Variants in KSR1 observed in about 807,000 individuals in gnomAD.
The protein encoded by KSR1 is kinase suppressor of ras.
KSR1 carries 35 observed loss-of-function variants against 92.9 expected under a neutral mutation model. The observed-to-expected ratio is 0.38, with a 90% CI of 0.29 to 0.50. KSR1 has a LOEUF of 0.50. Among genes scored for constraint, KSR1 ranks in the 20% least tolerant of loss-of-function variants. KSR1 has a pLI of 0.94. For missense variants in KSR1, 972 were observed against 1,158.5 expected (o/e 0.84, Z 2.34); for synonymous variants, 467 against 472.6 (o/e 0.99, Z 0.15).
chr17:27,582,303 A>G (rs1030460829), intron 3 of KSR1, among the ~76,000 whole-genome samples: 1 of 152,180 alleles, frequency 6.6e-6, no homozygotes, highest in East Asian at 1.9e-4. Flanking sequence ...CCTGTTCAGC[A>G]TTCCCCATCC....
intron 7 of KSR1, 144 bp from the exon 8 acceptor site, chr17:27,592,217 G>A: frequency 1.5e-6 from 1 of 681,538 alleles, no homozygotes; most frequent in Non-Finnish European, 2.6e-6. Flanking sequence ...TTAATATCAT[G>A]ATGTTCTCTA....
intron 1 of KSR1, among the ~76,000 whole-genome samples, chr17:27,515,002 G>A (rs1315470678): frequency 6.6e-6 from 1 of 152,152 alleles, no homozygotes; most frequent in African/African-American, 2.4e-5. Flanking sequence ...TTGTCAGGGT[G>A]GCTGGGAGCT....
intron 1 of KSR1, among the ~76,000 whole-genome samples, chr17:27,490,581 C>G (rs1395455647): frequency 2.0e-5 from 3 of 152,100 alleles, no homozygotes; most frequent in African/African-American, 7.2e-5. Flanking sequence ...CAGCAAAGAC[C>G]TGGGGGGTCT....
chr17:27,508,189 G>A (rs1463508989), intron 1 of KSR1, among the ~76,000 whole-genome samples: 1 of 152,182 alleles, frequency 6.6e-6, no homozygotes, highest in Non-Finnish European at 1.5e-5. Flanking sequence ...CTTCTGTTGG[G>A]GTGGAGTGGC....
intron 4 of KSR1, among the ~76,000 whole-genome samples, chr17:27,584,688 C>T (rs1015473805): frequency 1.3e-5 from 2 of 152,198 alleles, no homozygotes; most frequent in Non-Finnish European, 2.9e-5. Flanking sequence ...GCCTCAGACC[C>T]TGGGATTCTG....
intron 1 of KSR1, among the ~76,000 whole-genome samples, chr17:27,484,809 C>T (rs1236716710): frequency 1.3e-5 from 2 of 152,198 alleles, no homozygotes; most frequent in African/African-American, 2.4e-5. Flanking sequence ...GGAGGATGCT[C>T]CAGGCAGGGG....
chr17:27,538,769 C>T (rs536468442), intron 1 of KSR1, among the ~76,000 whole-genome samples: 85 of 152,122 alleles, frequency 5.6e-4, no homozygotes, highest in Non-Finnish European at 9.3e-4. Context: ...TGTGGCGGTT[C>T]GGGCGCCCCT....
intron 1 of KSR1, among the ~76,000 whole-genome samples, chr17:27,523,486 A>G (rs1220228679): frequency 6.6e-6 from 1 of 152,174 alleles, no homozygotes; most frequent in Non-Finnish European, 1.5e-5. Flanking sequence ...TCTAATGGGG[A>G]AAGTTGGCAA....
At chr17:27,612,428 G>A (rs1329495456) in intron 18 of KSR1, among the ~76,000 whole-genome samples, 6 of 152,214 alleles carry the variant, frequency 3.9e-5, no homozygotes, top group Non-Finnish European at 1.5e-5. Flanking sequence ...GTATAAGGTT[G>A]CCATGGCCTT....
At chr17:27,516,031 T>A (rs1597923868) in intron 1 of KSR1, among the ~76,000 whole-genome samples, 1 of 152,188 alleles carries the variant, frequency 6.6e-6, no homozygotes. Context: ...CCTTACCTCA[T>A]CTGTCTTTGT....
intron 1 of KSR1, among the ~76,000 whole-genome samples, chr17:27,542,369 C>G (rs548711009): frequency 6.6e-6 from 1 of 152,332 alleles, no homozygotes; most frequent in South Asian, 2.1e-4. Flanking sequence ...TCTGTGACAT[C>G]TGTCACAACA....
At chr17:27,539,601 TTGAATGAC>T (rs1186297570) in intron 1 of KSR1, among the ~76,000 whole-genome samples, 1 of 152,200 alleles carries the variant, frequency 6.6e-6, no homozygotes, top group East Asian at 1.9e-4. Context: ...GGTTTGGTTG[TTGAATGAC>T]TGGATGATGG....
intron 1 of KSR1, among the ~76,000 whole-genome samples, chr17:27,478,486 ATGT>A (rs1453634488): frequency 6.6e-6 from 1 of 152,080 alleles, no homozygotes; most frequent in African/African-American, 2.4e-5. Flanking sequence ...TGGTCATGAG[ATGT>A]TGTGAGGATT....
chr17:27,583,155 A>G (rs921932599), intron 4 of KSR1, 50 bp downstream of exon 4: 75 of 1,271,660 alleles, frequency 5.9e-5, no homozygotes, highest in Non-Finnish European at 7.8e-5. Context: ...GTGGTTTTCT[A>G]ATCATAAAGA....
At chr17:27,462,545 C>G (rs967641543) in intron 1 of KSR1, among the ~76,000 whole-genome samples, 1 of 152,180 alleles carries the variant, frequency 6.6e-6, no homozygotes, top group Non-Finnish European at 1.5e-5. Flanking sequence ...ATGATGCAGC[C>G]CGCTCTACGC....
chr17:27,501,292 C>CTTTTTTTTTTTTTTTTTTTTTTTTTT lies in KSR1; in HGVS notation c.231+44443_231+44444insTTTTTTTTTTTTTTTTTTTTTTTTTT. Among the ~76,000 whole-genome samples, 7 of 49,698 alleles carry CTTTTTTTTTTTTTTTTTTTTTTTTTT rather than the reference C, an allele frequency of 1.4e-4. 1 individual carries two copies. Among genetic ancestry groups the CTTTTTTTTTTTTTTTTTTTTTTTTTT allele is most frequent in the Non-Finnish European group, 1.7e-4 (5 of 29,902 alleles). The allele number at this position is 49,698 out of a possible 152,430, so 32.6% of individuals were successfully genotyped here. A position where few individuals can be genotyped will look rare whatever the true frequency, so the allele number is the denominator to read the frequency against. ...TTTTTTTTTTTTAATTTCTTTTCTT[C>CTTTTTTTTTTTTTTTTTTTTTTTTTT]TTTTTTTTTTTTTTTTTTTTTTTTT... On this transcript the variant is annotated intron_variant, in intron 1 of 20. Coordinates refer to ENST00000644974, the MANE Select transcript of KSR1 (RefSeq NM_001394583.1).
At chr17:27,515,618 T>G (rs913951463) in intron 1 of KSR1, among the ~76,000 whole-genome samples, 11 of 151,330 alleles carry the variant, frequency 7.3e-5, no homozygotes, top group South Asian at 6.2e-4. Context: ...GTAGTTTTTT[T>G]TTTTTTTTTT....
chr17:27,598,669 T>C (rs536186136), intron 10 of KSR1, among the ~76,000 whole-genome samples: 1 of 152,314 alleles, frequency 6.6e-6, no homozygotes, highest in South Asian at 2.1e-4. Flanking sequence ...CAGTTTGGGT[T>C]TTTGTAAAAG....
rs56302523 is a variant in KSR1 at position 27,563,313 on chromosome 17, G to C, written c.372+12605G>C. Among the ~76,000 whole-genome samples the C allele has an allele frequency of 4.0e-3, 608 of 152,052 alleles. 5 individuals carry two copies. Among genetic ancestry groups the C allele is most frequent in the African/African-American group, 0.013 (543 of 41,464 alleles). ...TTCTGTTTTTTTGCTGCCCAGGCTG[G>C]AGTGTAGTGGTGCAATCATGGCCCA... On this transcript the variant is annotated intron_variant, in intron 2 of 20. Transcript: ENST00000644974.
Sources: allele counts gnomAD v4.1 joint callset (sites outside exome capture counted in the v4.1 genomes callset), GRCh38; gene constraint gnomAD v4.1.1; transcripts MANE v1.5; gene names NCBI Gene and HGNC (gene_info 2026-07-23, HGNC 2026-07-21).